ASTN2: variants seen among roughly 807,000 people sequenced by gnomAD.
The protein encoded by ASTN2 is astrotactin 2, also known as astrotactin-2.
ASTN2 carries 54 observed loss-of-function variants against 139.8 expected under a neutral mutation model. The ratio of observed to expected loss-of-function variants is 0.39; its 90% CI spans 0.31 to 0.48. The LOEUF (loss-of-function observed/expected upper bound fraction) is 0.48. ASTN2 is among the 20% of genes least tolerant of loss of function. The pLI is 0.95. For synonymous variants in ASTN2, 756 were observed against 719.5 expected (o/e 1.05, Z -0.81); for missense variants, 1,565 against 1,725.1 (o/e 0.91, Z 1.64).
At chr9:116,685,963 G>T (rs1860180101) in intron 16 of ASTN2, among the ~76,000 whole-genome samples, 1 of 150,446 alleles carries the variant, frequency 6.6e-6, no homozygotes, top group South Asian at 2.1e-4. Flanking sequence ...GTGGTTTTCA[G>T]GAAAAAAAAA....
chr9:116,714,206 G>C (rs73655477), intron 16 of ASTN2, among the ~76,000 whole-genome samples: 3 of 152,168 alleles, frequency 2.0e-5, no homozygotes, highest in Non-Finnish European at 4.4e-5. Context: ...CTGAGCTCCA[G>C]GCTGTGCTAT....
intron 5 of ASTN2, among the ~76,000 whole-genome samples, chr9:117,064,799 TA>T (rs11321268): frequency 0.13 from 19,186 of 149,346 alleles, 1,290 homozygotes; most frequent in East Asian, 0.19. Context: ...TCTATATACT[TA>T]AAAAAAAAAA....
chr9:117,041,503 G>A (rs1588503908), intron 5 of ASTN2, among the ~76,000 whole-genome samples: 2 of 152,278 alleles, frequency 1.3e-5, no homozygotes, highest in East Asian at 3.9e-4. Context: ...CATCTGAAGA[G>A]TTGTGTAGTG....
At chr9:116,851,888 C>G (rs986029151) in intron 11 of ASTN2, among the ~76,000 whole-genome samples, 1 of 152,084 alleles carries the variant, frequency 6.6e-6, no homozygotes, top group African/African-American at 2.4e-5. Context: ...GCAGTGTCTT[C>G]CCCCTCTGGA....
At chr9:116,530,406 G>A (rs930590730) in intron 19 of ASTN2, among the ~76,000 whole-genome samples, 1 of 151,442 alleles carries the variant, frequency 6.6e-6, no homozygotes, top group African/African-American at 2.4e-5. Flanking sequence ...ATAAATTTAA[G>A]AGACCTATTG....
chr9:117,335,615 T>C (rs546469712), intron 1 of ASTN2, among the ~76,000 whole-genome samples: 1 of 152,278 alleles, frequency 6.6e-6, no homozygotes, highest in South Asian at 2.1e-4. Context: ...TTATATTTTG[T>C]TAATGGGGAA....
At chr9:117,053,598 C>T (rs1192577933) in intron 5 of ASTN2, among the ~76,000 whole-genome samples, 1 of 152,132 alleles carries the variant, frequency 6.6e-6, no homozygotes, top group South Asian at 2.1e-4. Context: ...TCTGTTTCAC[C>T]CCAGCAACAT....
At chr9:117,031,138 T>C (rs1838236264) in intron 6 of ASTN2, among the ~76,000 whole-genome samples, 1 of 151,802 alleles carries the variant, frequency 6.6e-6, no homozygotes, top group South Asian at 2.1e-4. Context: ...TGAGGAGGGG[T>C]GTGTGAATTT....
At position 116,426,049 on chromosome 9, in the gene ASTN2, A is replaced by T; in HGVS notation, c.3822T>A (p.Ser1274Arg). The T allele has an allele frequency of 6.2e-7, 1 of 1,613,772 alleles. No homozygotes were observed. Among genetic ancestry groups the T allele is most frequent in the South Asian group, 1.1e-5 (1 of 91,066 alleles). ...TCCGCAGGAGGCTGGAGCAGTGGCTACTCACCCTCTCCAGTCGCCGTAGAA... is the reference window on the plus strand; with the variant it reads ...TCCGCAGGAGGCTGGAGCAGTGGCTTCTCACCCTCTCCAGTCGCCGTAGAA... The part of the protein sequence containing the change: ...HLILRRLERV[S>R]SHCSSLLRSA... The change falls in exon 23 of 23, where the codon AGT (serine) becomes AGA (arginine). Residue 1274 changes from serine to arginine, a missense_variant. Transcript: ENST00000313400.
intron 4 of ASTN2, among the ~76,000 whole-genome samples, chr9:117,099,054 C>T (rs572954364): frequency 1.6e-3 from 245 of 149,356 alleles, no homozygotes; most frequent in African/African-American, 5.7e-3. Flanking sequence ...TTGCAGTGAG[C>T]CGAGATCAAG....
chr9:117,086,850 CCCTGCAGGGT>C (rs950302214), intron 5 of ASTN2, among the ~76,000 whole-genome samples: 21 of 152,290 alleles, frequency 1.4e-4, no homozygotes, highest in Admixed American at 5.9e-4. Flanking sequence ...CAGTGGGAAT[CCCTGCAGGGT>C]AGGGAGTAGC....
intron 10 of ASTN2, among the ~76,000 whole-genome samples, chr9:116,870,782 G>A (rs541794699): frequency 2.0e-4 from 31 of 152,196 alleles, no homozygotes; most frequent in Non-Finnish European, 4.0e-4. Context: ...TGCTGACATG[G>A]CCTGCTGTTA....
chr9:116,702,124 A>AGTT (rs1827837776), intron 16 of ASTN2, among the ~76,000 whole-genome samples: 1 of 152,110 alleles, frequency 6.6e-6, no homozygotes, highest in Admixed American at 6.6e-5. Flanking sequence ...CTTACCTTAT[A>AGTT]GTTCTGTCTT....
At chr9:117,119,990 ATGTGTGTG>A (rs752111718) in intron 4 of ASTN2, among the ~76,000 whole-genome samples, 12 of 73,238 alleles carry the variant, frequency 1.6e-4, no homozygotes, top group African/African-American at 6.1e-4. Flanking sequence ...ATATATTTGT[ATGTGTGTG>A]TGTGTGTGTG....
chr9:117,225,533 A>ATGTATG (rs1398362145), intron 2 of ASTN2, among the ~76,000 whole-genome samples: 2 of 55,558 alleles, frequency 3.6e-5, no homozygotes, highest in East Asian at 1.4e-3. Flanking sequence ...GCCAAGCTGT[A>ATGTATG]TGTATATATA....
At chr9:117,101,240 C>A (rs974817899) in intron 4 of ASTN2, among the ~76,000 whole-genome samples, 6 of 152,148 alleles carry the variant, frequency 3.9e-5, no homozygotes, top group Non-Finnish European at 8.8e-5. Flanking sequence ...CTCTGAGTAT[C>A]CATATAATCT....
chr9:117,246,516 A>G (rs1231978090), intron 2 of ASTN2, among the ~76,000 whole-genome samples: 1 of 152,232 alleles, frequency 6.6e-6, no homozygotes, highest in Admixed American at 6.5e-5. Context: ...GTGAGAATCA[A>G]ACAGTTAATG....
chr9:116,549,988 C>A (rs1390456323), intron 19 of ASTN2, among the ~76,000 whole-genome samples: 1 of 152,188 alleles, frequency 6.6e-6, no homozygotes, highest in African/African-American at 2.4e-5. Context: ...CAATGGAACC[C>A]ACAGGCATCT....
At chr9:117,111,932 A>G (rs771458468) in intron 4 of ASTN2, among the ~76,000 whole-genome samples, 2 of 152,120 alleles carry the variant, frequency 1.3e-5, no homozygotes, top group African/African-American at 2.4e-5. Context: ...AGAATAAATT[A>G]CTTTAGCATG....
Sources: allele counts gnomAD v4.1 joint callset (sites outside exome capture counted in the v4.1 genomes callset), GRCh38; gene constraint gnomAD v4.1.1; transcripts MANE v1.5; gene names NCBI Gene and HGNC (gene_info 2026-07-23, HGNC 2026-07-21).